PRKAG2: variants seen among roughly 807,000 people sequenced by gnomAD.
PRKAG2 encodes protein kinase AMP-activated non-catalytic subunit gamma 2.
A neutral mutation model predicts 69.6 loss-of-function variants in PRKAG2; 26 were observed. The ratio of observed to expected loss-of-function variants is 0.37; its 90% CI spans 0.27 to 0.52. The LOEUF (loss-of-function observed/expected upper bound fraction) is 0.52. PRKAG2 is among the 20% of genes least tolerant of loss of function. PRKAG2 has a pLI of 0.90. For synonymous variants in PRKAG2, 293 were observed against 285.0 expected, an observed-to-expected ratio of 1.03 and a Z score of -0.28; for missense variants, 557 against 740.0, an observed-to-expected ratio of 0.75 and a Z score of 2.87.
chr7:151,714,378 C>T (rs879620787), intron 3 of PRKAG2, among the ~76,000 whole-genome samples: 2 of 151,646 alleles, frequency 1.3e-5, no homozygotes, highest in Non-Finnish European at 2.9e-5. Context: ...GTCCTCCCAT[C>T]CGCGCCCCGC....
At chr7:151,808,254 T>A (rs566947938) in intron 1 of PRKAG2, among the ~76,000 whole-genome samples, 2 of 152,364 alleles carry the variant, frequency 1.3e-5, no homozygotes, top group African/African-American at 4.8e-5. Context: ...AAGGTGTAGC[T>A]GGCTGAACCG....
chr7:151,828,061 C>G lies in PRKAG2; in HGVS notation c.115-41520G>C, dbSNP rs1410478879. On this transcript the variant is annotated intron_variant, in intron 1 of 15. Transcript: ENST00000287878. The surrounding 1 kb of genome is among the most constrained non-coding windows in gnomAD (Gnocchi z 4.6). The stretch of plus-strand genomic sequence containing the variant: ...TCTCACCTTGGAACAAAGGAGGAAT[C>G]CCAAGTGGATCCAGGTGCACTGGGC... Among the ~76,000 whole-genome samples, 1 of 152,214 alleles carries G rather than the reference C, an allele frequency of 6.6e-6. No individual in the cohort carries two copies. Among genetic ancestry groups the G allele is most frequent in the Admixed American group, 6.5e-5 (1 of 15,276 alleles).
intron 15 of PRKAG2, chr7:151,558,147 T>G (rs540886871): frequency 1.0e-6 from 1 of 985,454 alleles, no homozygotes; most frequent in East Asian, 1.1e-4. Flanking sequence ...TGGGTTCATT[T>G]GGACAGTCTA....
intron 1 of PRKAG2, among the ~76,000 whole-genome samples, chr7:151,823,245 T>TC (rs2078833254): frequency 3.1e-5 from 1 of 32,354 alleles, no homozygotes; most frequent in African/African-American, 8.5e-5. Context: ...TGTATCAACA[T>TC]TTTTTTTTCC....
chr7:151,812,902 C>T (rs2078493125), intron 1 of PRKAG2, among the ~76,000 whole-genome samples: 3 of 150,942 alleles, frequency 2.0e-5, no homozygotes, highest in South Asian at 2.1e-4. Flanking sequence ...TCATTATAAG[C>T]GTGTGTCTCT....
chr7:151,625,958 A>T (rs980825992), intron 5 of PRKAG2, among the ~76,000 whole-genome samples: 14 of 152,250 alleles, frequency 9.2e-5, no homozygotes, highest in African/African-American at 2.9e-4. Context: ...GAGTTATATC[A>T]CAGGGGTCCG....
At chr7:151,846,238 T>G (rs1443021546) in intron 1 of PRKAG2, among the ~76,000 whole-genome samples, 2 of 151,938 alleles carry the variant, frequency 1.3e-5, no homozygotes, top group African/African-American at 2.4e-5. Context: ...ACTTTGGGGG[T>G]GGGCAGATCA....
Position 151,786,330 on chromosome 7 carries a change from G to A in PRKAG2, c.186+140C>T, listed in dbSNP as rs189796420. ...ATGCGAGGTGAGCTGTCGCAGGATG[G>A]GCTCGGTTACGGCCAGGTGTGCAAG... is the stretch of plus-strand genomic sequence containing the variant. On this transcript the variant is annotated intron_variant, in intron 2 of 15. Coordinates refer to ENST00000287878, the MANE Select transcript of PRKAG2 (RefSeq NM_016203.4). 1.1e-3 allele frequency: 881 copies of A among 829,698 alleles called. 2 individuals are homozygous for A. The highest frequency in any genetic ancestry group is 1.5e-3 in the Non-Finnish European group (754 of 500,154). 51.4% of individuals were successfully genotyped at this position (829,698 alleles called of 1,614,324 possible). A position where few individuals can be genotyped will look rare whatever the true frequency, so the allele number is the denominator to read the frequency against.
chr7:151,772,040 C>G (rs2076046310), intron 3 of PRKAG2, among the ~76,000 whole-genome samples: 1 of 152,238 alleles, frequency 6.6e-6, no homozygotes, highest in South Asian at 2.1e-4. Flanking sequence ...TGTCCTCAGA[C>G]AGTTTACACT....
At chr7:151,741,152 C>G (rs1467892511) in intron 3 of PRKAG2, among the ~76,000 whole-genome samples, 7 of 151,122 alleles carry the variant, frequency 4.6e-5, no homozygotes, top group Non-Finnish European at 1.0e-4. Flanking sequence ...GGTCCAGGCT[C>G]TAGTGAGCCA....
At chr7:151,589,113 G>C (rs374207085) in intron 6 of PRKAG2, among the ~76,000 whole-genome samples, 3 of 152,180 alleles carry the variant, frequency 2.0e-5, no homozygotes, top group East Asian at 3.9e-4. Flanking sequence ...AGGAAGAAGG[G>C]CTTGCTCCTC....
chr7:151,558,944 T>G, intron 15 of PRKAG2: 2 of 985,462 alleles, frequency 2.0e-6, no homozygotes, highest in Non-Finnish European at 2.4e-6. Flanking sequence ...CTTTTTGTAA[T>G]GCCCAAAGAG....
chr7:151,723,362 C>A (rs749673934), intron 3 of PRKAG2, among the ~76,000 whole-genome samples: 3 of 152,176 alleles, frequency 2.0e-5, no homozygotes, highest in Non-Finnish European at 4.4e-5. Flanking sequence ...GATTGAAGGA[C>A]CATGACGCAT....
rs554361992 is a variant in PRKAG2 at position 151,699,125 on chromosome 7, C to T, written c.467-23488G>A. 1.3e-5 allele frequency among the ~76,000 whole-genome samples: 2 copies of T among 151,796 alleles called. No individual in the cohort carries two copies. Among genetic ancestry groups the T allele is most frequent in the Non-Finnish European group, 2.9e-5 (2 of 67,876 alleles). On this transcript the variant is annotated intron_variant, in intron 3 of 15. Coordinates refer to ENST00000287878, the MANE Select transcript of PRKAG2 (RefSeq NM_016203.4). This position sits in a 1 kb window ranked among gnomAD's most constrained non-coding sequence, Gnocchi z 4.5. Reference sequence around the variant, plus strand: ...GGAGCACCCCTCAATGCCCTTAGGCCACCTTTCCTTCTCTGACCTCTGTCC... The same window carrying T: ...GGAGCACCCCTCAATGCCCTTAGGCTACCTTTCCTTCTCTGACCTCTGTCC...
rs114195453 is a variant in PRKAG2 at position 151,852,746 on chromosome 7, C to T, written c.114+23761G>A. On this transcript the variant is annotated intron_variant, in intron 1 of 15. Coordinates refer to ENST00000287878, the MANE Select transcript of PRKAG2 (RefSeq NM_016203.4). The stretch of plus-strand genomic sequence containing the variant: ...AAGTGCTCCCATCCTACAGAGAGAC[C>T]GGAGAGGCCAGGGGTGTGCACGGAG... 5.3e-3 allele frequency among the ~76,000 whole-genome samples: 800 copies of T among 152,126 alleles called. 9 individuals are homozygous for T. The highest frequency in any genetic ancestry group is 0.018 in the African/African-American group (758 of 41,488).
chr7:151,658,704 A>G (rs1829872914), intron 4 of PRKAG2, among the ~76,000 whole-genome samples: 1 of 152,184 alleles, frequency 6.6e-6, no homozygotes, highest in African/African-American at 2.4e-5. Flanking sequence ...TTAATGAAGA[A>G]CATGTTATAA....
chr7:151,782,123 TAAAA>T (rs922654965), intron 2 of PRKAG2, among the ~76,000 whole-genome samples: 1 of 148,064 alleles, frequency 6.8e-6, no homozygotes, highest in African/African-American at 2.5e-5. Flanking sequence ...AATAAAAAAA[TAAAA>T]AAAAAATTAG....
intron 3 of PRKAG2, among the ~76,000 whole-genome samples, chr7:151,703,845 A>AACACACACACACACACACAC (rs535818189): frequency 1.7e-4 from 15 of 88,542 alleles, no homozygotes; most frequent in East Asian, 3.5e-4. Context: ...TTTACTGGAA[A>AACACACACACACACACACAC]ACACACACAC....
chr7:151,736,548 C>T (rs1426102815), intron 3 of PRKAG2: 1 of 346,400 alleles, frequency 2.9e-6, no homozygotes, highest in Non-Finnish European at 4.1e-6. Context: ...ACCAATTGGC[C>T]AGAGCACATT....
Sources: gnomAD v4.1 joint callset for allele counts (sites outside exome capture counted in the v4.1 genomes callset) on GRCh38, gnomAD v4.1.1 for gene constraint, Gnocchi (gnomAD v3.1) non-coding constraint, MANE v1.5 for transcripts, NCBI Gene and HGNC (gene_info 2026-07-23, HGNC 2026-07-21) for gene names.